Variants in SYNDIG1 observed in about 807,000 individuals in gnomAD.
SYNDIG1 encodes synapse differentiation-inducing gene protein 1.
In SYNDIG1, 9 loss-of-function variants were observed where a neutral mutation model predicts 19.4. That is an observed-to-expected ratio of 0.46 (90% CI 0.28 to 0.81). The LOEUF (loss-of-function observed/expected upper bound fraction) is 0.81, where lower values mean the gene tolerates loss of function less well. SYNDIG1 is among the 30% of genes least tolerant of loss of function. The pLI is 0.12. For missense variants in SYNDIG1, 311 were observed against 343.3 expected, an observed-to-expected ratio of 0.91 and a Z score of 0.74; for synonymous variants, 141 against 145.9, an observed-to-expected ratio of 0.97 and a Z score of 0.24.
chr20:24,659,300 A>C (rs1395831897), intron 3 of SYNDIG1, among the ~76,000 whole-genome samples: 1 of 152,220 alleles, frequency 6.6e-6, no homozygotes, highest in Non-Finnish European at 1.5e-5. Context: ...GCCTGCCTGC[A>C]TGGGGTTCTG....
chr20:24,514,304 G>C (rs888716512), intron 1 of SYNDIG1, among the ~76,000 whole-genome samples: 7 of 152,134 alleles, frequency 4.6e-5, no homozygotes, highest in East Asian at 1.9e-4. Context: ...TGGACTAATT[G>C]CTCCAATTAA....
At chr20:24,514,235 G>A (rs2056813749) in intron 1 of SYNDIG1, among the ~76,000 whole-genome samples, 1 of 152,154 alleles carries the variant, frequency 6.6e-6, no homozygotes, top group East Asian at 1.9e-4. Flanking sequence ...AAAATAACCA[G>A]CTAACATCAT....
chr20:24,499,206 G>A (rs2056381261), intron 1 of SYNDIG1, among the ~76,000 whole-genome samples: 1 of 152,118 alleles, frequency 6.6e-6, no homozygotes, highest in Admixed American at 6.5e-5. Flanking sequence ...TGTATTTTTA[G>A]TAGACATGGG....
chr20:24,554,305 C>T (rs6049784), intron 2 of SYNDIG1, among the ~76,000 whole-genome samples: 5,027 of 152,260 alleles, frequency 0.033, 250 homozygotes, highest in African/African-American at 0.11. Context: ...ATTTCCTTCT[C>T]CTGCCTAATT....
chr20:24,549,088 C>G (rs1016402933), intron 2 of SYNDIG1, among the ~76,000 whole-genome samples: 2 of 152,072 alleles, frequency 1.3e-5, no homozygotes, highest in African/African-American at 4.8e-5. Context: ...ATAACCTCCT[C>G]TTAGCTATTT....
chr20:24,571,933 TTATC>T (rs1568651636), intron 2 of SYNDIG1, among the ~76,000 whole-genome samples: 1 of 152,182 alleles, frequency 6.6e-6, no homozygotes, highest in Non-Finnish European at 1.5e-5. Context: ...CCCAAAAAAA[TTATC>T]AAAGAACTGA....
intron 3 of SYNDIG1, among the ~76,000 whole-genome samples, chr20:24,656,302 G>A (rs2147384491): frequency 6.6e-6 from 1 of 152,340 alleles, no homozygotes; most frequent in African/African-American, 2.4e-5. Context: ...ACCATTTACT[G>A]CTATTTGGAT....
At chr20:24,617,970 G>T (rs2058968956) in intron 3 of SYNDIG1, among the ~76,000 whole-genome samples, 2 of 137,076 alleles carry the variant, frequency 1.5e-5, no homozygotes, top group South Asian at 2.5e-4. Flanking sequence ...ACCCCGGGTG[G>T]GGGCTGAAGT....
At chr20:24,581,286 A>T (rs2058318298) in intron 2 of SYNDIG1, among the ~76,000 whole-genome samples, 1 of 152,220 alleles carries the variant, frequency 6.6e-6, no homozygotes, top group Admixed American at 6.5e-5. Context: ...AACGACAATG[A>T]CAATGAAGAT....
chr20:24,643,103 C>A (rs1471920725), intron 3 of SYNDIG1, among the ~76,000 whole-genome samples: 1 of 152,094 alleles, frequency 6.6e-6, no homozygotes, highest in East Asian at 1.9e-4. Context: ...CCATCTGTAT[C>A]TGTATTAAGC....
intron 3 of SYNDIG1, among the ~76,000 whole-genome samples, chr20:24,618,233 G>C (rs1294538360): frequency 2.0e-5 from 3 of 149,348 alleles, no homozygotes; most frequent in Admixed American, 1.3e-4. Flanking sequence ...GAGAGAGCCC[G>C]GGGAGAGGGG....
chr20:24,655,216 G>A (rs2059512923), intron 3 of SYNDIG1, among the ~76,000 whole-genome samples: 1 of 152,218 alleles, frequency 6.6e-6, no homozygotes. Context: ...TGATATGTTT[G>A]ATTATAGCCT....
Position 24,585,490 on chromosome 20 carries a change from C to T in SYNDIG1, c.618+497C>T, listed in dbSNP as rs138264075. 2.0e-3 allele frequency among the ~76,000 whole-genome samples: 303 copies of T among 152,286 alleles called. 1 individual carries two copies. The highest frequency in any genetic ancestry group is 6.3e-3 in the African/African-American group (260 of 41,548). On this transcript the variant is annotated intron_variant, in intron 3 of 3. Transcript: ENST00000376862. The stretch of plus-strand genomic sequence containing the variant: ...CCCCCATGTACCTGCCCCAGGTAAA[C>T]GCCCTGCTTGTGGAAATAGCACATC...
At chr20:24,490,590 G>A (rs1279034113) in intron 1 of SYNDIG1, among the ~76,000 whole-genome samples, 2 of 152,122 alleles carry the variant, frequency 1.3e-5, no homozygotes, top group Non-Finnish European at 2.9e-5. Context: ...TGAATGAAGC[G>A]AGCACGCCAG....
At chr20:24,585,076 G>A in intron 3 of SYNDIG1, 83 bp downstream of exon 3, 1 of 1,516,488 alleles carries the variant, frequency 6.6e-7, no homozygotes, top group South Asian at 1.2e-5. Flanking sequence ...CCGAGGAGGA[G>A]AAGCAAGGAA....
At position 24,666,366 on chromosome 20, in the gene SYNDIG1, C is replaced by A. The variant is rs1016307777; in HGVS notation, c.*862C>A. The A allele has an allele frequency of 6.6e-6, 1 of 152,624 alleles. No individual in the cohort carries two copies. Among genetic ancestry groups the A allele is most frequent in the Non-Finnish European group, 1.5e-5 (1 of 68,028 alleles). 9.5% of individuals were successfully genotyped at this position (152,624 alleles called of 1,614,324 possible). A position where few individuals can be genotyped will look rare whatever the true frequency, so the allele number is the denominator to read the frequency against. Reference sequence around the variant, plus strand: ...ATCACCGCGCTGGCGGATGCTCACCCCGTCATAAGCAGAAACTAGTGATCC... The same window carrying A: ...ATCACCGCGCTGGCGGATGCTCACCACGTCATAAGCAGAAACTAGTGATCC... On this transcript the variant is annotated 3_prime_UTR_variant, in exon 4 of 4. Transcript: ENST00000376862.
intron 2 of SYNDIG1, among the ~76,000 whole-genome samples, chr20:24,572,523 C>T (rs772048458): frequency 2.0e-5 from 3 of 152,156 alleles, no homozygotes; most frequent in Non-Finnish European, 2.9e-5. Context: ...GAGCGTGGAG[C>T]GACTGGTCAG....
intron 1 of SYNDIG1, among the ~76,000 whole-genome samples, chr20:24,516,009 G>T (rs2056854382): frequency 6.6e-6 from 1 of 152,132 alleles, no homozygotes; most frequent in Non-Finnish European, 1.5e-5. Context: ...CAATGGAACA[G>T]AACAGAGCCC....
At chr20:24,570,296 C>T (rs2058121023) in intron 2 of SYNDIG1, among the ~76,000 whole-genome samples, 1 of 152,094 alleles carries the variant, frequency 6.6e-6, no homozygotes, top group Non-Finnish European at 1.5e-5. Context: ...AAAGAATAGA[C>T]AAATTTTACT....
Sources: gnomAD v4.1 joint callset for allele counts (sites outside exome capture counted in the v4.1 genomes callset) on GRCh38, gnomAD v4.1.1 for gene constraint, MANE v1.5 for transcripts, NCBI Gene and HGNC (gene_info 2026-07-23, HGNC 2026-07-21) for gene names.